Variants in DPP10 observed in about 807,000 individuals in gnomAD.
DPP10 encodes dipeptidyl peptidase like 10.
A neutral mutation model predicts 120.9 loss-of-function variants in DPP10; 33 were observed. That is an observed-to-expected ratio of 0.27 (90% CI 0.21 to 0.37). The LOEUF is 0.37. Among genes scored for constraint, DPP10 ranks in the 10% least tolerant of loss-of-function variants. DPP10 has a pLI of 1.00. For synonymous variants in DPP10, 337 were observed against 326.1 expected (o/e 1.03, Z -0.36); for missense variants, 816 against 942.8 (o/e 0.87, Z 1.76).
At chr2:115,491,477 A>G (rs2105349254) in intron 3 of DPP10, among the ~76,000 whole-genome samples, 1 of 152,198 alleles carries the variant, frequency 6.6e-6, no homozygotes, top group East Asian at 1.9e-4. Context: ...TTAGGGTGAG[A>G]AGGCTTACCA....
At chr2:114,455,926 T>A (rs1379931518) in intron 1 of DPP10, among the ~76,000 whole-genome samples, 1 of 152,178 alleles carries the variant, frequency 6.6e-6, no homozygotes, top group East Asian at 1.9e-4. Context: ...TACTACTCAG[T>A]CGTGCTTTGA....
intron 1 of DPP10, among the ~76,000 whole-genome samples, chr2:114,605,044 CATAAAGAGGCA>C (rs113366992): frequency 1.8e-4 from 28 of 152,126 alleles, no homozygotes; most frequent in African/African-American, 6.3e-4. Flanking sequence ...AAAGAATAAT[CATAAAGAGGCA>C]ATATCAGTCC....
intron 11 of DPP10, among the ~76,000 whole-genome samples, chr2:115,756,622 A>T (rs1679439184): frequency 6.6e-6 from 1 of 152,138 alleles, no homozygotes; most frequent in Admixed American, 6.6e-5. Flanking sequence ...ATAATTAGAA[A>T]CCTTGCCACA....
intron 1 of DPP10, among the ~76,000 whole-genome samples, chr2:115,084,428 C>T (rs1041486299): frequency 4.6e-5 from 7 of 152,268 alleles, no homozygotes; most frequent in South Asian, 2.1e-4. Context: ...CTCAGGGAAA[C>T]GTCCAAGGTG....
At chr2:115,004,084 C>G (rs1308500349) in intron 1 of DPP10, among the ~76,000 whole-genome samples, 2 of 152,104 alleles carry the variant, frequency 1.3e-5, no homozygotes, top group Non-Finnish European at 2.9e-5. Context: ...TAAAACTTAG[C>G]AAGGTCAGTT....
intron 1 of DPP10, among the ~76,000 whole-genome samples, chr2:114,456,916 T>C (rs1292639449): frequency 2.0e-5 from 3 of 152,218 alleles, no homozygotes; most frequent in African/African-American, 7.2e-5. Context: ...ACTGTGGTTA[T>C]AGAGTCCAAG....
intron 1 of DPP10, among the ~76,000 whole-genome samples, chr2:114,962,418 G>T (rs1227751730): frequency 6.6e-6 from 1 of 152,166 alleles, no homozygotes; most frequent in African/African-American, 2.4e-5. Context: ...ATCGGGCAAG[G>T]GAAAGGGACA....
At chr2:114,965,029 C>T (rs934257025) in intron 1 of DPP10, among the ~76,000 whole-genome samples, 40 of 152,124 alleles carry the variant, frequency 2.6e-4, no homozygotes, top group Admixed American at 2.6e-3. Flanking sequence ...ACTAAGTAGT[C>T]TGAGCAAACA....
rs535419572 is a variant in DPP10, at chr2:114,732,280, A to G, written c.60+289442A>G. Among the ~76,000 whole-genome samples the G allele has an allele frequency of 2.8e-4, 42 of 152,308 alleles. 2 individuals carry two copies. The South Asian group carries it at 8.5e-3, about 31-fold the overall frequency. On this transcript the variant is annotated intron_variant, in intron 1 of 25. Transcript: ENST00000410059. Reference sequence around the variant, plus strand: ...AACAGGAAACTGGACACACGACTACAATTTAGTCATATGGAGCATGCAAAG... The same window carrying G: ...AACAGGAAACTGGACACACGACTACGATTTAGTCATATGGAGCATGCAAAG...
chr2:115,043,415 C>T (rs1269191669), intron 1 of DPP10, among the ~76,000 whole-genome samples: 1 of 152,074 alleles, frequency 6.6e-6, no homozygotes, highest in Admixed American at 6.5e-5. Flanking sequence ...TTTCAAAGTA[C>T]CCTCATCACA....
rs188984431 is a variant in DPP10, at chr2:115,546,307, G to A, written c.441+20335G>A. ...AAGCTCTGTTCTAACCCAAAATTAC[G>A]TATGTATACGTAAGTGTATATACAT... On this transcript the variant is annotated intron_variant, in intron 5 of 25. Transcript: ENST00000410059. Among the ~76,000 whole-genome samples, 43 of 152,116 alleles carry A rather than the reference G, an allele frequency of 2.8e-4. No individual in the cohort carries two copies. The East Asian group carries it at 5.6e-3, about 20-fold the overall frequency.
chr2:115,033,467 T>C (rs897972243), intron 1 of DPP10, among the ~76,000 whole-genome samples: 1 of 152,120 alleles, frequency 6.6e-6, no homozygotes, highest in African/African-American at 2.4e-5. Context: ...AGTAATACCA[T>C]CGTTCTTACC....
chr2:115,704,988 G>A (rs892308841), intron 7 of DPP10, among the ~76,000 whole-genome samples: 1 of 151,562 alleles, frequency 6.6e-6, no homozygotes, highest in East Asian at 1.9e-4. Context: ...TTATATTGTT[G>A]AAAAATGTAA....
In DPP10 at chr2:115,189,070, T is replaced by TATAA. The variant is rs113084113; in HGVS notation, c.61-120165_61-120162dup. ...GCTCCTTGATTTATGATGGAATTGT[T>TATAA]ATAAATAGCACTCGAACATAAATTT... On this transcript the variant is annotated intron_variant, in intron 1 of 25. Transcript: ENST00000410059. Among the ~76,000 whole-genome samples, 822 of 152,342 alleles carry TATAA rather than the reference T, an allele frequency of 5.4e-3. 5 individuals are homozygous for TATAA. Among genetic ancestry groups the TATAA allele is most frequent in the African/African-American group, 0.018 (754 of 41,578 alleles).
intron 1 of DPP10, among the ~76,000 whole-genome samples, chr2:114,518,675 A>G (rs943100274): frequency 1.3e-5 from 2 of 152,212 alleles, no homozygotes; most frequent in African/African-American, 4.8e-5. Flanking sequence ...AGAGATGCAG[A>G]TCCCAGGCCC....
intron 1 of DPP10, among the ~76,000 whole-genome samples, chr2:114,744,121 A>T (rs904893762): frequency 2.6e-5 from 4 of 152,196 alleles, no homozygotes; most frequent in Non-Finnish European, 5.9e-5. Context: ...AGAACAGTGT[A>T]AAGTTCCTGA....
At chr2:115,344,034 G>T in intron 3 of DPP10, 122 bp downstream of exon 3, 1 of 635,468 alleles carries the variant, frequency 1.6e-6, no homozygotes, top group Non-Finnish European at 2.3e-6. Flanking sequence ...ACCTTGGGAG[G>T]CCAAGGCAGG....
intron 5 of DPP10, among the ~76,000 whole-genome samples, chr2:115,546,614 T>C (rs2079517504): frequency 6.6e-6 from 1 of 152,110 alleles, no homozygotes; most frequent in Non-Finnish European, 1.5e-5. Flanking sequence ...CCTGATAAAA[T>C]ATAGGTGTTA....
At chr2:115,198,400 ATG>A (rs1491301003) in intron 1 of DPP10, among the ~76,000 whole-genome samples, 1 of 152,234 alleles carries the variant, frequency 6.6e-6, no homozygotes, top group African/African-American at 2.4e-5. Context: ...TGAATTTGGC[ATG>A]TGTGTGTGTA....
Sources: allele counts gnomAD v4.1 joint callset (sites outside exome capture counted in the v4.1 genomes callset), GRCh38; gene constraint gnomAD v4.1.1; transcripts MANE v1.5; gene names NCBI Gene and HGNC (gene_info 2026-07-23, HGNC 2026-07-21).